The following PDE11A variants were observed in gnomAD, a reference collection of about 807,000 sequenced individuals.
PDE11A encodes dual 3',5'-cyclic-AMP and -GMP phosphodiesterase 11A.
A neutral mutation model predicts 100.5 loss-of-function variants in PDE11A; 100 were observed. The ratio of observed to expected loss-of-function variants is 1.00; its 90% CI spans 0.85 to 1.18. The LOEUF is 1.18. PDE11A is among the 50% of genes most tolerant of loss of function. The probability of loss-of-function intolerance (pLI) is 0.00; values close to 1 mark genes in which losing one functional copy is unlikely to be tolerated. For synonymous variants in PDE11A, 381 were observed against 420.8 expected (o/e 0.91, Z 1.16); for missense variants, 1,141 against 1,152.6 (o/e 0.99, Z 0.15).
At chr2:177,853,274 G>T (rs1050490362) in intron 5 of PDE11A, among the ~76,000 whole-genome samples, 1 of 151,984 alleles carries the variant, frequency 6.6e-6, no homozygotes, top group Non-Finnish European at 1.5e-5. Flanking sequence ...GCTGTTTGGA[G>T]GATAAAATAA....
intron 19 of PDE11A, among the ~76,000 whole-genome samples, chr2:177,656,018 A>G (rs4893975): frequency 0.77 from 117,593 of 152,072 alleles, 46,136 homozygotes; most frequent in East Asian, 0.89. Context: ...CTCTGAATTC[A>G]TGGCTATTAA....
At chr2:177,892,741 C>G (rs575709776) in intron 4 of PDE11A, among the ~76,000 whole-genome samples, 1 of 152,370 alleles carries the variant, frequency 6.6e-6, no homozygotes, top group East Asian at 1.9e-4. Context: ...TGCTGGCCCT[C>G]AGCACAGTCA....
chr2:178,077,735 G>A (rs1451320033), upstream of PDE11A, among the ~76,000 whole-genome samples: 1 of 152,066 alleles, frequency 6.6e-6, no homozygotes, highest in Non-Finnish European at 1.5e-5. Flanking sequence ...CCTGGATTTA[G>A]GGTGGGTTCT....
chr2:177,829,342 C>T (rs2105601441), intron 6 of PDE11A, among the ~76,000 whole-genome samples: 1 of 152,050 alleles, frequency 6.6e-6, no homozygotes, highest in Non-Finnish European at 1.5e-5. Context: ...TCTCTGTTTA[C>T]TTTTTTCTTG....
At chr2:177,865,227 G>A (rs547470912) in intron 5 of PDE11A, among the ~76,000 whole-genome samples, 5 of 152,190 alleles carry the variant, frequency 3.3e-5, no homozygotes, top group Admixed American at 6.5e-5. Flanking sequence ...GCCGTGAGCC[G>A]AGACTGTGCC....
chr2:178,069,578 G>A (rs1210748308), intron 1 of PDE11A, among the ~76,000 whole-genome samples: 2 of 150,326 alleles, frequency 1.3e-5, no homozygotes, highest in African/African-American at 4.8e-5. Context: ...CTACTCTGGG[G>A]GGAAAAGGGA....
intron 8 of PDE11A, 145 bp downstream of exon 8, chr2:177,817,713 A>G (rs1185975628): frequency 4.8e-6 from 3 of 620,542 alleles, no homozygotes; most frequent in South Asian, 3.7e-5. Context: ...AAGCATTTAC[A>G]TATTCCTTAA....
intron 9 of PDE11A, among the ~76,000 whole-genome samples, chr2:177,774,680 T>C (rs1311878614): frequency 2.0e-5 from 3 of 152,206 alleles, no homozygotes; most frequent in African/African-American, 7.2e-5. Flanking sequence ...TCAAATCTCT[T>C]TGAGTTTTGC....
chr2:177,851,635 T>C (rs2083707753), intron 5 of PDE11A, among the ~76,000 whole-genome samples: 1 of 152,218 alleles, frequency 6.6e-6, no homozygotes, highest in Non-Finnish European at 1.5e-5. Context: ...ATAAGGCTAC[T>C]GCGGAAGAGG....
intron 1 of PDE11A, among the ~76,000 whole-genome samples, chr2:178,050,733 G>A (rs965190618): frequency 4.6e-5 from 7 of 152,118 alleles, no homozygotes; most frequent in Admixed American, 1.3e-4. Flanking sequence ...TAGCCGATTC[G>A]ATCAACTGGA....
intron 1 of PDE11A, among the ~76,000 whole-genome samples, chr2:178,056,562 T>C (rs562061690): frequency 3.3e-5 from 5 of 152,192 alleles, no homozygotes; most frequent in Non-Finnish European, 4.4e-5. Context: ...CATTGCAATA[T>C]AGCAAATAAA....
In PDE11A at chr2:178,057,918, C is replaced by T. The variant is rs1011783315; in HGVS notation, c.912+13608G>A. ...TATCACCCAGGCTGGAGTGCAGAGG[C>T]GTGATCTCGGCTCACTGCAACCTCC... On this transcript the variant is annotated intron_variant, in intron 1 of 19. Transcript: ENST00000286063. Among the ~76,000 whole-genome samples, 7 of 152,130 alleles carry T rather than the reference C, an allele frequency of 4.6e-5. No homozygotes were observed. The East Asian group carries it at 5.8e-4, about 13-fold the overall frequency.
At chr2:177,829,918 C>T (rs1383654680) in intron 6 of PDE11A, among the ~76,000 whole-genome samples, 2 of 152,194 alleles carry the variant, frequency 1.3e-5, no homozygotes, top group East Asian at 1.9e-4. Flanking sequence ...ATGGCAAAGA[C>T]GATGGGATAA....
chr2:177,845,793 C>CCGAG (rs910250511), intron 5 of PDE11A, among the ~76,000 whole-genome samples: 3 of 152,206 alleles, frequency 2.0e-5, no homozygotes, highest in Admixed American at 2.0e-4. Flanking sequence ...CCTCGGGAGG[C>CCGAG]CGAGGCTGGT....
intron 1 of PDE11A, among the ~76,000 whole-genome samples, chr2:178,056,741 A>T (rs1350230481): frequency 2.0e-5 from 3 of 152,250 alleles, no homozygotes; most frequent in Non-Finnish European, 4.4e-5. Flanking sequence ...GGCCAATGAG[A>T]TTTAAAAATA....
In PDE11A at chr2:177,623,929, T is replaced by C. The variant is rs989397823; in HGVS notation, c.*5478A>G. 2 of 152,252 alleles carry C rather than the reference T, an allele frequency of 1.3e-5. No individual in the cohort carries two copies. Among genetic ancestry groups the C allele is most frequent in the East Asian group, 3.8e-4 (2 of 5,206 alleles). 9.4% of individuals were successfully genotyped at this position (152,252 alleles called of 1,614,324 possible). ...AAGGTCATGACAAACAGTGTCAGCA[T>C]GACATTGGGCATTGCTAAATCTAAA... On this transcript the variant is annotated 3_prime_UTR_variant, in exon 20 of 20. Transcript: ENST00000286063.
intron 5 of PDE11A, among the ~76,000 whole-genome samples, chr2:177,857,774 T>C (rs1439942361): frequency 6.6e-6 from 1 of 152,040 alleles, no homozygotes; most frequent in Non-Finnish European, 1.5e-5. Flanking sequence ...GATCCAATTT[T>C]ACACTGTCTA....
At chr2:178,053,064 A>T (rs1306096858) in intron 1 of PDE11A, among the ~76,000 whole-genome samples, 2 of 152,204 alleles carry the variant, frequency 1.3e-5, no homozygotes, top group East Asian at 3.8e-4. Flanking sequence ...ACAACAAAAA[A>T]AGAGAATTTT....
chr2:178,030,114 C>A (rs1210160823), intron 1 of PDE11A, among the ~76,000 whole-genome samples: 1 of 150,452 alleles, frequency 6.6e-6, no homozygotes, highest in Non-Finnish European at 1.5e-5. Context: ...TAACAAAGTT[C>A]AAAAAAAGAA....
Sources: allele counts gnomAD v4.1 joint callset (sites outside exome capture counted in the v4.1 genomes callset), GRCh38; gene constraint gnomAD v4.1.1; transcripts MANE v1.5; gene names NCBI Gene and HGNC (gene_info 2026-07-23, HGNC 2026-07-21).